The following UVRAG variants were observed in gnomAD, a reference collection of about 807,000 sequenced individuals.
The protein encoded by UVRAG is UV radiation resistance-associated gene protein.
Under a neutral mutation model 78.0 loss-of-function variants are expected in UVRAG, and 19 were observed. That is an observed-to-expected ratio of 0.24 (90% CI 0.17 to 0.36). The LOEUF (loss-of-function observed/expected upper bound fraction) is 0.36, where lower values mean the gene tolerates loss of function less well. UVRAG is among the 10% of genes least tolerant of loss of function. UVRAG has a pLI of 1.00. For synonymous variants in UVRAG, 323 were observed against 324.6 expected, an observed-to-expected ratio of 1.00 and a Z score of 0.05; for missense variants, 740 against 853.8, an observed-to-expected ratio of 0.87 and a Z score of 1.66.
At chr11:75,930,347 T>C (rs1359532914) in intron 6 of UVRAG, among the ~76,000 whole-genome samples, 2 of 152,214 alleles carry the variant, frequency 1.3e-5, no homozygotes, top group African/African-American at 4.8e-5. Flanking sequence ...TTCCTTTCTT[T>C]TTTGTTGATT....
intron 2 of UVRAG, among the ~76,000 whole-genome samples, chr11:75,861,186 AG>A (rs1946413936): frequency 1.3e-5 from 2 of 152,296 alleles, no homozygotes. Flanking sequence ...CAATTCTCTA[AG>A]TTGTCTTAGA....
intron 1 of UVRAG, among the ~76,000 whole-genome samples, chr11:75,840,745 A>C (rs1019059775): frequency 2.6e-5 from 4 of 152,164 alleles, no homozygotes; most frequent in African/African-American, 9.7e-5. Flanking sequence ...TGTTTGTTTA[A>C]ATCTGTAACT....
At chr11:76,002,934 G>C (rs1338169777) in intron 8 of UVRAG, among the ~76,000 whole-genome samples, 1 of 151,980 alleles carries the variant, frequency 6.6e-6, no homozygotes, top group Non-Finnish European at 1.5e-5. Flanking sequence ...AAAATTAGTT[G>C]GGCATTGTGA....
At chr11:75,880,624 G>A (rs994674089) in intron 4 of UVRAG, among the ~76,000 whole-genome samples, 2 of 152,042 alleles carry the variant, frequency 1.3e-5, no homozygotes, top group South Asian at 2.1e-4. Context: ...GCGCAATCTC[G>A]GCTCACCACA....
At chr11:75,900,354 C>T (rs1331537197) in intron 5 of UVRAG, among the ~76,000 whole-genome samples, 1 of 152,162 alleles carries the variant, frequency 6.6e-6, no homozygotes, top group Non-Finnish European at 1.5e-5. Flanking sequence ...AACTGTTGTA[C>T]AAAGCTGGGA....
chr11:75,907,697 A>ATT lies in UVRAG; in HGVS notation c.508-4244_508-4243dup, dbSNP rs552143489. Reference sequence around the variant, plus strand: ...CCCAGCCAATTTCTTTATTAAAACAATTTTTTTTTTTTTTAGAAATGGTGT... The same window carrying ATT: ...CCCAGCCAATTTCTTTATTAAAACAATTTTTTTTTTTTTTTTAGAAATGGTGT... On this transcript the variant is annotated intron_variant, in intron 5 of 14. Coordinates refer to ENST00000356136, the MANE Select transcript of UVRAG (RefSeq NM_003369.4). Among the ~76,000 whole-genome samples the ATT allele has an allele frequency of 3.4e-3, 478 of 142,606 alleles. 2 individuals are homozygous for ATT. The highest frequency in any genetic ancestry group is 0.011 in the African/African-American group (448 of 39,114). The allele number at this position is 142,606 out of a possible 152,430, so 93.6% of individuals were successfully genotyped here. A position where few individuals can be genotyped will look rare whatever the true frequency, so the allele number is the denominator to read the frequency against.
intron 4 of UVRAG, among the ~76,000 whole-genome samples, chr11:75,881,254 C>T (rs1946937979): frequency 6.6e-6 from 1 of 152,064 alleles, no homozygotes; most frequent in African/African-American, 2.4e-5. Flanking sequence ...AAAGACGTGC[C>T]CAAGGTGGTT....
chr11:75,856,100 C>T (rs1197830465), intron 2 of UVRAG, among the ~76,000 whole-genome samples: 1 of 152,156 alleles, frequency 6.6e-6, no homozygotes, highest in Non-Finnish European at 1.5e-5. Flanking sequence ...GACCATTCTC[C>T]TGCCTCACCC....
intron 1 of UVRAG, among the ~76,000 whole-genome samples, chr11:75,836,706 T>C (rs184418750): frequency 2.0e-5 from 3 of 152,324 alleles, no homozygotes; most frequent in Admixed American, 2.0e-4. Context: ...AGAGTGCACT[T>C]TCAAATAGTA....
intron 13 of UVRAG, among the ~76,000 whole-genome samples, chr11:76,067,236 ACTCCAGCTCCAGGAAAG>A (rs755603497): frequency 1.3e-5 from 2 of 151,372 alleles, no homozygotes; most frequent in Admixed American, 6.6e-5. Context: ...TGTTACTTCC[ACTCCAGCTCCAGGAAAG>A]CAGCCCTCTG....
At chr11:76,090,434 T>A (rs1951675784) in intron 13 of UVRAG, among the ~76,000 whole-genome samples, 1 of 152,154 alleles carries the variant, frequency 6.6e-6, no homozygotes, top group Non-Finnish European at 1.5e-5. Context: ...TCCCATTCCC[T>A]TTAACCCTCC....
In UVRAG at chr11:76,016,852, T is replaced by C. The variant is rs1174953091; in HGVS notation, c.1098T>C (p.Tyr366=). ...DDGSIAVALG[Y]TAHLVSMISF... ...GAAGCATTGCTGTTGCCCTTGGTTA[T>C]ACTGCACATCTGGTCTCCATGATTT... The change falls in exon 12 of 15, where the codon TAT becomes TAC. Residue 366 remains tyrosine, a synonymous_variant. Transcript: ENST00000356136. 11 of 1,609,902 alleles carry C rather than the reference T, an allele frequency of 6.8e-6. No individual in the cohort carries two copies. The highest frequency in any genetic ancestry group is 9.3e-6 in the Non-Finnish European group (11 of 1,177,522).
At chr11:75,917,544 C>T (rs915596162) in intron 6 of UVRAG, among the ~76,000 whole-genome samples, 2 of 152,158 alleles carry the variant, frequency 1.3e-5, no homozygotes, top group Admixed American at 6.5e-5. Context: ...CATGTTAATA[C>T]CTCTTCAATC....
At chr11:76,032,510 A>T (rs764329842) in intron 12 of UVRAG, among the ~76,000 whole-genome samples, 7 of 152,248 alleles carry the variant, frequency 4.6e-5, no homozygotes, top group African/African-American at 1.7e-4. Flanking sequence ...AAAGCCAACC[A>T]TGTTTATTGA....
At chr11:75,990,889 G>A (rs941712509) in intron 8 of UVRAG, among the ~76,000 whole-genome samples, 2 of 152,174 alleles carry the variant, frequency 1.3e-5, no homozygotes, top group Non-Finnish European at 2.9e-5. Context: ...CTGGGATATA[G>A]TACACATAGA....
chr11:76,086,967 C>A (rs954395493), intron 13 of UVRAG, among the ~76,000 whole-genome samples: 1 of 152,296 alleles, frequency 6.6e-6, no homozygotes, highest in African/African-American at 2.4e-5. Context: ...CTAGTCATAC[C>A]TTTTTATTGA....
At chr11:75,929,328 C>A (rs1412840797) in intron 6 of UVRAG, among the ~76,000 whole-genome samples, 2 of 152,122 alleles carry the variant, frequency 1.3e-5, no homozygotes, top group Non-Finnish European at 1.5e-5. Flanking sequence ...TGTTAGTAGA[C>A]CTTGTGTTAC....
chr11:76,002,029 C>G lies in UVRAG; in HGVS notation c.827-1976C>G, dbSNP rs139954653. Among the ~76,000 whole-genome samples, 478 of 152,262 alleles carry G rather than the reference C, an allele frequency of 3.1e-3. 2 individuals are homozygous for G. Among genetic ancestry groups the G allele is most frequent in the African/African-American group, 0.011 (449 of 41,540 alleles). ...TATGCATGCTCTTAAACATGGACAT[C>G]ATTGCTTCCAGATGTGATACCCTTA... is the stretch of plus-strand genomic sequence containing the variant. On this transcript the variant is annotated intron_variant, in intron 8 of 14. Coordinates refer to ENST00000356136, the MANE Select transcript of UVRAG (RefSeq NM_003369.4).
intron 1 of UVRAG, among the ~76,000 whole-genome samples, chr11:75,835,816 G>A (rs574942089): frequency 1.3e-5 from 2 of 152,176 alleles, no homozygotes; most frequent in South Asian, 4.2e-4. Context: ...CAAATAGGCC[G>A]GGCATGGTGG....
Sources: allele counts gnomAD v4.1 joint callset (sites outside exome capture counted in the v4.1 genomes callset), GRCh38; gene constraint gnomAD v4.1.1; transcripts MANE v1.5; gene names NCBI Gene and HGNC (gene_info 2026-07-23, HGNC 2026-07-21).